MEGF8: variants seen among roughly 807,000 people sequenced by gnomAD.
MEGF8 encodes the protein multiple epidermal growth factor-like domains protein 8.
MEGF8 carries 156 observed loss-of-function variants against 302.9 expected under a neutral mutation model. The observed-to-expected ratio is 0.52, with a 90% CI of 0.45 to 0.59. MEGF8 has a LOEUF of 0.59. Ranked by LOEUF, MEGF8 falls within the 20% of genes least tolerant of loss-of-function variation. The probability of loss-of-function intolerance (pLI) is 0.00; values close to 1 mark genes in which losing one functional copy is unlikely to be tolerated. For missense variants in MEGF8, 3,345 were observed against 3,964.5 expected (o/e 0.84, Z 4.20); for synonymous variants, 1,621 against 1,660.5 (o/e 0.98, Z 0.58).
chr19:42,358,172 C>T lies in MEGF8; in HGVS notation c.5040C>T (p.His1680=), dbSNP rs758990105. 2.9e-5 allele frequency: 47 copies of T among 1,597,650 alleles called. No homozygotes were observed. The highest frequency in any genetic ancestry group is 3.8e-5 in the Non-Finnish European group (44 of 1,172,992). The change falls in exon 29 of 42, where the codon CAC becomes CAT. Residue 1680 remains histidine (H), a synonymous_variant. Transcript: ENST00000251268. This position sits in a 1 kb window ranked among gnomAD's most constrained non-coding sequence, Gnocchi z 4.4. ...TGLYGHSAVY[H]EATDSLYVFG... is the part of the protein sequence containing the mutation. ...TCTATGGTCACTCTGCTGTCTACCA[C>T]GAGGCCACCGACTCCCTCTACGTGT...
In MEGF8 at chr19:42,357,272, C is replaced by T. The variant is rs368028757; in HGVS notation, c.4831-132C>T. The T allele has an allele frequency of 6.5e-5, 75 of 1,149,662 alleles. No individual in the cohort carries two copies. The highest frequency in any genetic ancestry group is 2.1e-4 in the Admixed American group (9 of 42,074). 71.2% of individuals were successfully genotyped at this position (1,149,662 alleles called of 1,614,324 possible). A position where few individuals can be genotyped will look rare whatever the true frequency, so the allele number is the denominator to read the frequency against. ...GCCTCTGCCAGGACCCAGGCTGGTC[C>T]GACTGGCCCTGGGGGGGTCATTCCC... On this transcript the variant is annotated intron_variant, in intron 27 of 41. Transcript: ENST00000251268. This position sits in a 1 kb window ranked among gnomAD's most constrained non-coding sequence, Gnocchi z 5.2.
intron 31 of MEGF8, among the ~76,000 whole-genome samples, chr19:42,360,223 G>A (rs965800771): frequency 6.7e-6 from 1 of 149,604 alleles, no homozygotes; most frequent in African/African-American, 2.5e-5. Flanking sequence ...TATCTGGTTC[G>A]AAAACATTTG....
chr19:42,371,341 C>A lies in MEGF8; in HGVS notation c.7137-9C>A, dbSNP rs1452738850. On this transcript the variant is annotated splice_polypyrimidine_tract_variant and intron_variant, in intron 40 of 41. Transcript: ENST00000251268. Reference sequence around the variant, plus strand: ...ATGGGGGCTCCGTAACCCTCAACTTCTTCCCCAGATGCCAGTGTAATGGCC... The same window carrying A: ...ATGGGGGCTCCGTAACCCTCAACTTATTCCCCAGATGCCAGTGTAATGGCC... 1 of 1,613,680 alleles carries A rather than the reference C, an allele frequency of 6.2e-7. No individual in the cohort carries two copies. The highest frequency in any genetic ancestry group is 8.5e-7 in the Non-Finnish European group (1 of 1,179,740).
Position 42,356,221 on chromosome 19 carries a change from GA to G in MEGF8, c.4503+29del. ...GAGTTGTGGGTACCCGCTGTCTAGG[GA>G]TGGTTGCTCCCAGGTCGTTCTCCCA... On this transcript the variant is annotated intron_variant, in intron 25 of 41. Transcript: ENST00000251268. This position sits in a 1 kb window ranked among gnomAD's most constrained non-coding sequence, Gnocchi z 5.2. 1.3e-6 allele frequency: 2 copies of G among 1,517,016 alleles called. No individual in the cohort carries two copies. Among genetic ancestry groups the G allele is most frequent in the Non-Finnish European group, 1.8e-6 (2 of 1,127,482 alleles). 94.0% of individuals were successfully genotyped at this position (1,517,016 alleles called of 1,614,324 possible). A position where few individuals can be genotyped will look rare whatever the true frequency, so the allele number is the denominator to read the frequency against.
In MEGF8 at chr19:42,336,552, G is replaced by A. The variant is rs1364104630; in HGVS notation, c.1244+206G>A. Among the ~76,000 whole-genome samples, 1 of 152,082 alleles carries A rather than the reference G, an allele frequency of 6.6e-6. No homozygotes were observed. The highest frequency in any genetic ancestry group is 1.5e-5 in the Non-Finnish European group (1 of 68,032). ...CTCTGATGTTTTATTCAATCTCTTG[G>A]TGAATTGCCTTCCACACACTCCCAC... is the stretch of plus-strand genomic sequence containing the variant. On this transcript the variant is annotated intron_variant, in intron 6 of 41. Transcript: ENST00000251268. The surrounding 1 kb of genome is among the most constrained non-coding windows in gnomAD (Gnocchi z 4.8).
chr19:42,353,906 G>A lies in MEGF8; in HGVS notation c.3893G>A (p.Gly1298Asp), dbSNP rs771404217. 6 of 1,592,166 alleles carry A rather than the reference G, an allele frequency of 3.8e-6. No individual in the cohort carries two copies. Among genetic ancestry groups the A allele is most frequent in the African/African-American group, 1.3e-5 (1 of 74,498 alleles). The change falls in exon 22 of 42, where the codon GGC (glycine) becomes GAC (aspartate). Residue 1298 changes from glycine (G) to aspartate (D), a missense_variant. Coordinates refer to ENST00000251268, the MANE Select transcript of MEGF8 (RefSeq NM_001271938.2). This position sits in a 1 kb window ranked among gnomAD's most constrained non-coding sequence, Gnocchi z 6.1. ...PGGGAARAGP[G>D]LSYCVWVVSA... ...GGCGGGGCTGCAAGAGCCGGGCCTGGCCTGTCCTACTGTGTGTGGGTTGTC... is the reference window on the plus strand; with the variant it reads ...GGCGGGGCTGCAAGAGCCGGGCCTGACCTGTCCTACTGTGTGTGGGTTGTC...
In MEGF8 at chr19:42,357,406, C is replaced by T; in HGVS notation, c.4833C>T (p.Ala1611=). ...LTTLQWRQEK[A]PQTVELPAVA... Reference sequence around the variant, plus strand: ...GACCTTGCCCCTCCATCCCTCAGGCCCCCCAGACCGTGGAGCTGCCAGCCG... The same window carrying T: ...GACCTTGCCCCTCCATCCCTCAGGCTCCCCAGACCGTGGAGCTGCCAGCCG... The change falls in exon 28 of 42, where the codon GCC becomes GCT. Residue 1611 remains alanine (A), a splice_region_variant and synonymous_variant. Transcript: ENST00000251268. This position sits in a 1 kb window ranked among gnomAD's most constrained non-coding sequence, Gnocchi z 5.2. The T allele has an allele frequency of 6.2e-7, 1 of 1,612,862 alleles. No homozygotes were observed.
In MEGF8 at chr19:42,378,677, TA is replaced by T. The variant is rs3214618; in HGVS notation, c.*1903del. 46,336 of 153,644 alleles carry T rather than the reference TA, an allele frequency of 0.3. 7,274 individuals carry two copies. Among genetic ancestry groups the T allele is most frequent in the Middle Eastern group, 0.48 (140 of 294 alleles). The allele number at this position is 153,644 out of a possible 1,614,324, so 9.5% of individuals were successfully genotyped here. On this transcript the variant is annotated 3_prime_UTR_variant, in exon 42 of 42. Transcript: ENST00000251268. ...CGTGGAGCCTCAGTGTGAGAGGCCCTAGCCAATGCGTGCATGTCAGAGGTGG... is the reference window on the plus strand; with the variant it reads ...CGTGGAGCCTCAGTGTGAGAGGCCCTGCCAATGCGTGCATGTCAGAGGTGG...
Position 42,351,293 on chromosome 19 carries a change from T to A in MEGF8, c.2814T>A (p.Gly938=). 2.6e-6 allele frequency: 4 copies of A among 1,567,684 alleles called. No individual in the cohort carries two copies. The highest frequency in any genetic ancestry group is 3.5e-6 in the Non-Finnish European group (4 of 1,156,094). The change falls in exon 16 of 42, where the codon GGT becomes GGA. Residue 938 remains glycine, a synonymous_variant. Transcript: ENST00000251268. The surrounding 1 kb of genome is among the most constrained non-coding windows in gnomAD (Gnocchi z 5.6). Reference sequence around the variant, plus strand: ...GCAGCCGGCGGGGCCGGGGTCGGGGTGCCCTGAAGAGTCCAGAGGAGTGTC... The same window carrying A: ...GCAGCCGGCGGGGCCGGGGTCGGGGAGCCCTGAAGAGTCCAGAGGAGTGTC... ...AACSRRGRGR[G]ALKSPEECPP... is the part of the protein sequence containing the mutation.
Position 42,336,810 on chromosome 19 carries a change from C to T in MEGF8, c.1248C>T (p.Phe416=). The T allele has an allele frequency of 6.3e-7, 1 of 1,586,250 alleles. No homozygotes were observed. The highest frequency in any genetic ancestry group is 8.6e-7 in the Non-Finnish European group (1 of 1,165,674). ...HGGHRPSTAR[F]SVRVNSTELF... ...TGCCCTGCTTCTCCTTCGGTAGGTT[C>T]TCTGTGCGAGTGAACTCCACTGAGC... Residue 416 remains phenylalanine, a synonymous_variant, in exon 7 of 42, where the codon TTC becomes TTT. Transcript: ENST00000251268. This position sits in a 1 kb window ranked among gnomAD's most constrained non-coding sequence, Gnocchi z 4.8.
Position 42,326,144 on chromosome 19 carries a change from C to T in MEGF8, c.-100C>T, listed in dbSNP as rs1568552518. 7.2e-7 allele frequency: 1 copy of T among 1,390,850 alleles called. No homozygotes were observed. The highest frequency in any genetic ancestry group is 9.3e-7 in the Non-Finnish European group (1 of 1,075,868). 86.2% of individuals were successfully genotyped at this position (1,390,850 alleles called of 1,614,324 possible). The stretch of plus-strand genomic sequence containing the variant: ...CTTCGATCTACAAGGTCATGTTATG[C>T]CTATAGAGGTCGCATTTGCAGGGCC... On this transcript the variant is annotated 5_prime_UTR_variant, in exon 1 of 42. Coordinates refer to ENST00000251268, the MANE Select transcript of MEGF8 (RefSeq NM_001271938.2).
chr19:42,347,251 C>T (rs1048863617), intron 12 of MEGF8, among the ~76,000 whole-genome samples: 39 of 151,746 alleles, frequency 2.6e-4, no homozygotes, highest in African/African-American at 8.9e-4. Context: ...GAACATTATA[C>T]GACTGCTTCC....
In MEGF8 at chr19:42,343,498, G is replaced by A; in HGVS notation, c.1535G>A (p.Gly512Asp). 2 of 1,609,430 alleles carry A rather than the reference G, an allele frequency of 1.2e-6. No homozygotes were observed. Among genetic ancestry groups the A allele is most frequent in the Non-Finnish European group, 1.7e-6 (2 of 1,176,548 alleles). ...TPEGRAAPPSGRYSHVAAVLG... is the reference protein window; with the variant it reads ...TPEGRAAPPSDRYSHVAAVLG... Reference sequence around the variant, plus strand: ...CTAGGCCGAGCAGCGCCTCCCAGTGGTCGGTACTCACATGTAGCTGCGGTG... The same window carrying A: ...CTAGGCCGAGCAGCGCCTCCCAGTGATCGGTACTCACATGTAGCTGCGGTG... The change falls in exon 9 of 42, where the codon GGT becomes GAT. Residue 512 changes from glycine (G) to aspartate (D), a missense_variant. By Grantham distance (94) the Gly-to-Asp change is moderately conservative. Coordinates refer to ENST00000251268, the MANE Select transcript of MEGF8 (RefSeq NM_001271938.2).
chr19:42,370,651 AG>A, intron 39 of MEGF8, 49 bp from the exon 40 acceptor site: 1 of 1,560,466 alleles, frequency 6.4e-7, no homozygotes, highest in Non-Finnish European at 8.7e-7. Context: ...CTGAGGGAGG[AG>A]GGGGTTGGTC....
rs753468610 is a variant in MEGF8 at position 42,360,793 on chromosome 19, C to T, written c.5507C>T (p.Pro1836Leu). Reference protein sequence around the residue: ...PDLTRSASVGPPMEESVAHAV... With the variant: ...PDLTRSASVGLPMEESVAHAV... ...TCCTCAGGCTCGGCCTCTGTGGGGC[C>T]CCCAATGGAGGAGTCTGTGGCCCAT... Residue 1836 changes from proline (P) to leucine (L), a missense_variant, in exon 32 of 42, where the codon CCC becomes CTC. Transcript: ENST00000251268. 3.8e-6 allele frequency: 6 copies of T among 1,594,882 alleles called. No individual in the cohort carries two copies. The South Asian group carries it at 4.5e-5, about 12-fold the overall frequency.
At chr19:42,367,012 T>C (rs1283653687) in intron 35 of MEGF8, among the ~76,000 whole-genome samples, 1 of 152,198 alleles carries the variant, frequency 6.6e-6, no homozygotes, top group African/African-American at 2.4e-5. Flanking sequence ...TGCTTTGCCT[T>C]TTCCTAAGTG....
At position 42,335,226 on chromosome 19, in the gene MEGF8, G is replaced by A. The variant is rs761402581; in HGVS notation, c.739+11G>A. 1 of 1,614,010 alleles carries A rather than the reference G, an allele frequency of 6.2e-7. No homozygotes were observed. ...TGGCAGTTTTCGGAGGTGAGCAGAT[G>A]GGGCGAGTATCTGGGATCTGGAGGC... On this transcript the variant is annotated intron_variant, in intron 4 of 41. Coordinates refer to ENST00000251268, the MANE Select transcript of MEGF8 (RefSeq NM_001271938.2).
Position 42,360,962 on chromosome 19 carries a change from C to T in MEGF8, c.5676C>T (p.Cys1892=). Residue 1892 remains cysteine, a synonymous_variant, in exon 32 of 42, where the codon TGC becomes TGT. Transcript: ENST00000251268. ...SPEACNQSGA[C]TWCHGACLSG... ...AAGCTTGTAACCAGTCTGGGGCCTG[C>T]ACCTGGTGCCATGGGGCCTGCTTGT... 2.5e-6 allele frequency: 4 copies of T among 1,583,934 alleles called. No homozygotes were observed. The highest frequency in any genetic ancestry group is 3.4e-6 in the Non-Finnish European group (4 of 1,162,100).
chr19:42,351,052 GGT>G lies in MEGF8; in HGVS notation c.2737-161_2737-160del. The G allele has an allele frequency of 1.5e-6, 1 of 653,648 alleles. No homozygotes were observed. The allele number at this position is 653,648 out of a possible 1,614,324, so 40.5% of individuals were successfully genotyped here. A position where few individuals can be genotyped will look rare whatever the true frequency, so the allele number is the denominator to read the frequency against. ...TGGGTGCTGGGCGGGCCGACCCATG[GGT>G]GTCTGTGGTCGAAGGGAGGGGTCCA... On this transcript the variant is annotated intron_variant, in intron 15 of 41. Transcript: ENST00000251268. This position sits in a 1 kb window ranked among gnomAD's most constrained non-coding sequence, Gnocchi z 5.6.
Sources: allele counts gnomAD v4.1 joint callset (sites outside exome capture counted in the v4.1 genomes callset), GRCh38; gene constraint gnomAD v4.1.1; non-coding constraint Gnocchi (gnomAD v3.1); transcripts MANE v1.5; gene names NCBI Gene and HGNC (gene_info 2026-07-23, HGNC 2026-07-21).